Variants in H3-3A observed in about 807,000 individuals in gnomAD.
H3-3A encodes the protein H3.3 histone A.
For synonymous variants in H3-3A, 49 were observed against 61.4 expected (o/e 0.80, Z 0.95); for missense variants, 7 against 184.0 (o/e 0.04, Z 5.57).
At chr1:226,067,939 T>C (rs1200499238) in intron 3 of H3-3A, among the ~76,000 whole-genome samples, 1 of 152,230 alleles carries the variant, frequency 6.6e-6, no homozygotes. Context: ...TAATCAATAA[T>C]TGACTTACTT....
intron 3 of H3-3A, among the ~76,000 whole-genome samples, chr1:226,070,507 C>G (rs1358425593): frequency 1.3e-5 from 2 of 151,534 alleles, no homozygotes; most frequent in African/African-American, 4.9e-5. Context: ...GGCGCGGTGG[C>G]TCACGCCTAT....
intron 3 of H3-3A, among the ~76,000 whole-genome samples, chr1:226,069,553 C>T (rs577525503): frequency 2.6e-5 from 4 of 152,114 alleles, no homozygotes; most frequent in African/African-American, 7.2e-5. Context: ...GTAAGCAGGC[C>T]GGGCATGGCG....
chr1:226,062,305 C>T (rs1352782442), upstream of H3-3A, among the ~76,000 whole-genome samples: 3 of 150,478 alleles, frequency 2.0e-5, no homozygotes, highest in African/African-American at 7.3e-5. Flanking sequence ...CGGGCGTTCA[C>T]CCGCCGCGCC....
intron 3 of H3-3A, chr1:226,067,066 G>A (rs1657950410): frequency 6.6e-6 from 1 of 152,134 alleles, no homozygotes; most frequent in African/African-American, 2.4e-5. Context: ...ACTAAATACA[G>A]AAATGTTACT....
At chr1:226,071,303 C>T in intron 3 of H3-3A, 48 bp from the exon 4 acceptor site, 2 of 1,524,916 alleles carry the variant, frequency 1.3e-6, no homozygotes, top group African/African-American at 1.4e-5. Flanking sequence ...TGGGTCTTAA[C>T]TATTGGAAAT....
intron 3 of H3-3A, among the ~76,000 whole-genome samples, chr1:226,067,759 A>T (rs1384306874): frequency 6.6e-6 from 1 of 150,706 alleles, no homozygotes; most frequent in Non-Finnish European, 1.5e-5. Context: ...AAAAAAAAAG[A>T]TAACAGAGGG....
chr1:226,063,678 TGTC>T (rs1198902037), intron 1 of H3-3A, among the ~76,000 whole-genome samples: 8 of 152,036 alleles, frequency 5.3e-5, no homozygotes, highest in African/African-American at 1.9e-4. Flanking sequence ...GGTCGGCGGA[TGTC>T]GTGCGTTAAT....
At chr1:226,068,662 A>G (rs930035479) in intron 3 of H3-3A, among the ~76,000 whole-genome samples, 2 of 152,232 alleles carry the variant, frequency 1.3e-5, no homozygotes. Context: ...GCGAGGGACT[A>G]CTTGCATAGA....
intron 3 of H3-3A, among the ~76,000 whole-genome samples, chr1:226,069,568 AC>A (rs1658036283): frequency 2.0e-5 from 3 of 152,156 alleles, no homozygotes; most frequent in Non-Finnish European, 4.4e-5. Flanking sequence ...ATGGCGGCTC[AC>A]ACCTGTAATC....
intron 3 of H3-3A, among the ~76,000 whole-genome samples, chr1:226,068,970 T>A (rs985646634): frequency 6.6e-6 from 1 of 151,878 alleles, no homozygotes; most frequent in African/African-American, 2.4e-5. Flanking sequence ...CACGTGAAAA[T>A]AGTTCAATTT....
chr1:226,069,578 T>G (rs1051413375), intron 3 of H3-3A, among the ~76,000 whole-genome samples: 1 of 151,836 alleles, frequency 6.6e-6, no homozygotes, highest in Non-Finnish European at 1.5e-5. Flanking sequence ...ACACCTGTAA[T>G]CCCAGCACTT....
intron 2 of H3-3A, 82 bp from the exon 3 acceptor site, chr1:226,065,574 A>G: frequency 2.1e-6 from 2 of 973,774 alleles, no homozygotes; most frequent in Non-Finnish European, 3.0e-6. Context: ...TTGAAAGATT[A>G]CTGCATTTCT....
upstream of H3-3A, chr1:226,062,533 G>A (rs1392598720): frequency 6.7e-6 from 1 of 149,952 alleles, no homozygotes. Context: ...GAGGGAGCGG[G>A]CGGCGCGCGG....
At chr1:226,067,757 A>G (rs1006671594) in intron 3 of H3-3A, among the ~76,000 whole-genome samples, 1 of 146,418 alleles carries the variant, frequency 6.8e-6, no homozygotes, top group African/African-American at 2.5e-5. Context: ...AAAAAAAAAA[A>G]GATAACAGAG....
intron 3 of H3-3A, among the ~76,000 whole-genome samples, chr1:226,070,763 A>G (rs1056409760): frequency 9.4e-6 from 1 of 106,632 alleles, no homozygotes; most frequent in Non-Finnish European, 1.9e-5. Flanking sequence ...ACAGAGTAAG[A>G]CTCCATCTCA....
intron 3 of H3-3A, among the ~76,000 whole-genome samples, chr1:226,068,588 T>C (rs967189286): frequency 5.9e-5 from 9 of 152,220 alleles, no homozygotes; most frequent in Admixed American, 2.0e-4. Context: ...TTCTAGAATA[T>C]CTTAAGAACG....
chr1:226,065,600 T>TA, intron 2 of H3-3A, 56 bp from the exon 3 acceptor site: 1 of 1,330,650 alleles, frequency 7.5e-7, no homozygotes, highest in Non-Finnish European at 1.0e-6. Context: ...GCTGCCCACT[T>TA]ACCTTTTTGT....
At chr1:226,070,894 C>T (rs1658097337) in intron 3 of H3-3A, among the ~76,000 whole-genome samples, 1 of 152,202 alleles carries the variant, frequency 6.6e-6, no homozygotes, top group African/African-American at 2.4e-5. Context: ...ACCACTTGTT[C>T]ACCATGTTAT....
chr1:226,064,053 A>T, intron 1 of H3-3A: 1 of 245,088 alleles, frequency 4.1e-6, no homozygotes. Flanking sequence ...AATTGGATCA[A>T]AGGCCGTTCG....
Sources: allele counts gnomAD v4.1 joint callset (sites outside exome capture counted in the v4.1 genomes callset), GRCh38; gene constraint gnomAD v4.1.1; transcripts MANE v1.5; gene names NCBI Gene and HGNC (gene_info 2026-07-23, HGNC 2026-07-21).